Variants in SMYD2 observed in about 807,000 individuals in gnomAD.
The protein encoded by SMYD2 is N-lysine methyltransferase SMYD2.
A neutral mutation model predicts 59.1 loss-of-function variants in SMYD2; 53 were observed. The ratio of observed to expected loss-of-function variants is 0.90; its 90% CI spans 0.72 to 1.13. The LOEUF (loss-of-function observed/expected upper bound fraction) is 1.13, where lower values mean the gene tolerates loss of function less well. Among genes scored for constraint, SMYD2 ranks in the 50% most tolerant of loss-of-function variants. SMYD2 has a pLI of 0.00. For synonymous variants in SMYD2, 208 were observed against 198.8 expected (o/e 1.05, Z -0.39); for missense variants, 494 against 544.7 (o/e 0.91, Z 0.93).
chr1:214,299,313 C>T (rs1398758389), intron 1 of SMYD2, among the ~76,000 whole-genome samples: 1 of 152,122 alleles, frequency 6.6e-6, no homozygotes, highest in African/African-American at 2.4e-5. Flanking sequence ...TTCGACCCAG[C>T]AATCCCTTTA....
intron 1 of SMYD2, among the ~76,000 whole-genome samples, chr1:214,289,664 C>G (rs1656606172): frequency 6.6e-6 from 1 of 152,228 alleles, no homozygotes; most frequent in Non-Finnish European, 1.5e-5. Flanking sequence ...CTGATGATCA[C>G]TAGGGAACTA....
chr1:214,330,681 T>C (rs895664949), intron 8 of SMYD2, among the ~76,000 whole-genome samples: 3 of 152,264 alleles, frequency 2.0e-5, no homozygotes, highest in Non-Finnish European at 1.5e-5. Context: ...TCTTGATTCG[T>C]AGATGTGTAA....
chr1:214,334,453 T>C (rs1571936864), intron 11 of SMYD2, 145 bp downstream of exon 11: 2 of 730,352 alleles, frequency 2.7e-6, no homozygotes, highest in Non-Finnish European at 4.7e-6. Flanking sequence ...GCAGCGGGGG[T>C]GGGTCCTGCA....
chr1:214,330,128 C>A, intron 7 of SMYD2, 40 bp from the exon 8 acceptor site: 3 of 1,376,074 alleles, frequency 2.2e-6, no homozygotes, highest in Non-Finnish European at 2.0e-6. Flanking sequence ...ATTGAGTTTA[C>A]CTGTAGCAGA....
chr1:214,284,649 C>G (rs1277051601), intron 1 of SMYD2, among the ~76,000 whole-genome samples: 1 of 151,664 alleles, frequency 6.6e-6, no homozygotes, highest in Non-Finnish European at 1.5e-5. Flanking sequence ...TCACTGCAAC[C>G]TCCGCCTCCC....
At chr1:214,288,563 T>G (rs1235515056) in intron 1 of SMYD2, among the ~76,000 whole-genome samples, 1 of 152,216 alleles carries the variant, frequency 6.6e-6, no homozygotes, top group Admixed American at 6.5e-5. Flanking sequence ...GTCTCTGATA[T>G]CTCCTTGATT....
At chr1:214,330,081 C>T (rs891747019) in intron 7 of SMYD2, 87 bp from the exon 8 acceptor site, 1 of 805,030 alleles carries the variant, frequency 1.2e-6, no homozygotes, top group Non-Finnish European at 2.0e-6. Flanking sequence ...TCTGCATGGG[C>T]CCTGCAGGTG....
chr1:214,302,771 T>C (rs1264090240), intron 1 of SMYD2, among the ~76,000 whole-genome samples: 1 of 152,226 alleles, frequency 6.6e-6, no homozygotes, highest in Non-Finnish European at 1.5e-5. Flanking sequence ...CTTGGGATGT[T>C]ACGTGGAGAC....
intron 2 of SMYD2, among the ~76,000 whole-genome samples, chr1:214,309,300 T>G (rs1656962976): frequency 6.6e-6 from 1 of 152,190 alleles, no homozygotes; most frequent in South Asian, 2.1e-4. Context: ...TTTTGTAACC[T>G]GTGTGTTTTA....
intron 5 of SMYD2, among the ~76,000 whole-genome samples, chr1:214,322,068 G>C (rs936339674): frequency 1.3e-5 from 2 of 152,142 alleles, no homozygotes; most frequent in Non-Finnish European, 2.9e-5. Flanking sequence ...CTGCAGAGGA[G>C]GGACTGAAAA....
At chr1:214,330,122 A>T (rs1233699727) in intron 7 of SMYD2, 46 bp from the exon 8 acceptor site, 4 of 1,317,992 alleles carry the variant, frequency 3.0e-6, no homozygotes, top group Admixed American at 3.7e-5. Context: ...ACAAGGATTG[A>T]GTTTACCTGT....
chr1:214,296,165 G>T (rs6701764), intron 1 of SMYD2, among the ~76,000 whole-genome samples: 122,231 of 152,246 alleles, frequency 0.8, 49,662 homozygotes, highest in African/African-American at 0.92. Flanking sequence ...AAATCCTTTT[G>T]ATCTAGACCA....
chr1:214,308,000 A>T (rs1317040411), intron 2 of SMYD2, among the ~76,000 whole-genome samples: 1 of 152,224 alleles, frequency 6.6e-6, no homozygotes, highest in Non-Finnish European at 1.5e-5. Flanking sequence ...CAGTTACGGG[A>T]TTCTACTCTT....
At chr1:214,302,380 C>T (rs1052460853) in intron 1 of SMYD2, among the ~76,000 whole-genome samples, 2 of 151,602 alleles carry the variant, frequency 1.3e-5, no homozygotes, top group Non-Finnish European at 2.9e-5. Flanking sequence ...CTTTGATTTA[C>T]GCTTAGGCAT....
chr1:214,315,176 A>G (rs537791926), intron 3 of SMYD2, among the ~76,000 whole-genome samples: 1 of 152,276 alleles, frequency 6.6e-6, no homozygotes, highest in South Asian at 2.1e-4. Context: ...GACCTCAAAT[A>G]ATTAGAGCTT....
intron 1 of SMYD2, among the ~76,000 whole-genome samples, chr1:214,283,435 GT>G (rs1482651323): frequency 6.6e-6 from 1 of 152,110 alleles, no homozygotes; most frequent in Non-Finnish European, 1.5e-5. Context: ...AATACCCGTA[GT>G]TTATTTCCTC....
At chr1:214,321,768 C>A (rs1474291791) in intron 5 of SMYD2, among the ~76,000 whole-genome samples, 4 of 152,236 alleles carry the variant, frequency 2.6e-5, no homozygotes, top group Admixed American at 2.6e-4. Flanking sequence ...AAGGTTCTTA[C>A]ACCTGATTTG....
chr1:214,287,893 C>A (rs1453916605), intron 1 of SMYD2, among the ~76,000 whole-genome samples: 1 of 152,192 alleles, frequency 6.6e-6, no homozygotes, highest in Non-Finnish European at 1.5e-5. Flanking sequence ...CTGCCTTTTA[C>A]TTTCAGCACA....
chr1:214,335,145 G>T (rs1205907083), intron 11 of SMYD2, among the ~76,000 whole-genome samples: 1 of 152,176 alleles, frequency 6.6e-6, no homozygotes, highest in Non-Finnish European at 1.5e-5. Context: ...TAAAATGCTG[G>T]GGCCATGGAC....
Sources: gnomAD v4.1 joint callset for allele counts (sites outside exome capture counted in the v4.1 genomes callset) on GRCh38, gnomAD v4.1.1 for gene constraint, MANE v1.5 for transcripts, NCBI Gene and HGNC (gene_info 2026-07-23, HGNC 2026-07-21) for gene names.